The following LRP1B variants were observed in gnomAD, a reference collection of about 807,000 sequenced individuals.
LRP1B encodes low-density lipoprotein receptor-related protein 1B.
LRP1B carries 217 observed loss-of-function variants against 556.6 expected under a neutral mutation model. That is an observed-to-expected ratio of 0.39 (90% CI 0.35 to 0.44). The LOEUF (loss-of-function observed/expected upper bound fraction) is 0.44, where lower values mean the gene tolerates loss of function less well. Ranked by LOEUF, LRP1B falls within the 20% of genes least tolerant of loss-of-function variation. The probability of loss-of-function intolerance (pLI) is 1.00; values close to 1 mark genes in which losing one functional copy is unlikely to be tolerated. For missense variants in LRP1B, 5,053 were observed against 5,620.8 expected (o/e 0.90, Z 3.23); for synonymous variants, 2,047 against 1,865.8 (o/e 1.10, Z -2.50).
At chr2:142,084,188 G>A (rs535121785) in intron 1 of LRP1B, among the ~76,000 whole-genome samples, 5 of 151,996 alleles carry the variant, frequency 3.3e-5, no homozygotes, top group African/African-American at 7.2e-5. Flanking sequence ...CACCATGTTG[G>A]CCAGGCTGGT....
chr2:141,524,602 T>C (rs1684633879), intron 2 of LRP1B, among the ~76,000 whole-genome samples: 1 of 152,078 alleles, frequency 6.6e-6, no homozygotes, highest in Non-Finnish European at 1.5e-5. Flanking sequence ...TTAGTGTTGG[T>C]GTATTTTAAG....
At chr2:141,699,108 C>A (rs181124845) in intron 2 of LRP1B, among the ~76,000 whole-genome samples, 59 of 151,854 alleles carry the variant, frequency 3.9e-4, no homozygotes, top group African/African-American at 1.4e-3. Context: ...TGTAAATAGC[C>A]TAAATCCTAT....
intron 3 of LRP1B, among the ~76,000 whole-genome samples, chr2:141,475,625 G>T (rs1440688376): frequency 6.6e-6 from 1 of 152,026 alleles, no homozygotes; most frequent in South Asian, 2.1e-4. Context: ...CCCCTATCCT[G>T]TACCCATATA....
At chr2:141,025,746 T>C (rs1698200037) in intron 11 of LRP1B, among the ~76,000 whole-genome samples, 1 of 152,086 alleles carries the variant, frequency 6.6e-6, no homozygotes, top group Non-Finnish European at 1.5e-5. Flanking sequence ...TGTCTCTCTA[T>C]ATATACATTC....
intron 1 of LRP1B, among the ~76,000 whole-genome samples, chr2:141,817,555 G>A (rs1412116169): frequency 6.6e-6 from 1 of 151,908 alleles, no homozygotes; most frequent in Non-Finnish European, 1.5e-5. Flanking sequence ...ATATATATGA[G>A]CTGTCACAGA....
At chr2:140,888,200 A>G (rs917316379) in intron 23 of LRP1B, among the ~76,000 whole-genome samples, 1 of 152,050 alleles carries the variant, frequency 6.6e-6, no homozygotes, top group Admixed American at 6.6e-5. Context: ...GATCTGAAAA[A>G]TTTTCTATCT....
chr2:141,263,253 G>T (rs1324057838), intron 3 of LRP1B, among the ~76,000 whole-genome samples: 2 of 151,740 alleles, frequency 1.3e-5, no homozygotes, highest in Admixed American at 1.3e-4. Flanking sequence ...ACAGAACAAA[G>T]AAAACTAAAA....
chr2:141,097,900 G>T (rs1700361212), intron 7 of LRP1B, among the ~76,000 whole-genome samples: 1 of 152,158 alleles, frequency 6.6e-6, no homozygotes, highest in African/African-American at 2.4e-5. Flanking sequence ...CTAGAACTAT[G>T]TTTGTAAAAT....
intron 1 of LRP1B, among the ~76,000 whole-genome samples, chr2:142,117,076 G>A (rs1707298941): frequency 2.6e-5 from 4 of 151,880 alleles, no homozygotes; most frequent in Admixed American, 2.6e-4. Context: ...TTTCAACCAC[G>A]TGCTGTTACT....
At chr2:141,536,323 A>G (rs1685068408) in intron 2 of LRP1B, among the ~76,000 whole-genome samples, 1 of 152,076 alleles carries the variant, frequency 6.6e-6, no homozygotes, top group Non-Finnish European at 1.5e-5. Flanking sequence ...TTTTTCTGAA[A>G]TTAATTCAGT....
chr2:141,847,521 T>C (rs1175616249), intron 1 of LRP1B, among the ~76,000 whole-genome samples: 2 of 151,546 alleles, frequency 1.3e-5, no homozygotes, highest in African/African-American at 4.8e-5. Flanking sequence ...ATTGATTATT[T>C]TTTTCCTAAC....
At chr2:141,658,873 T>C (rs888052040) in intron 2 of LRP1B, among the ~76,000 whole-genome samples, 2 of 152,122 alleles carry the variant, frequency 1.3e-5, no homozygotes, top group Non-Finnish European at 2.9e-5. Context: ...AAGGCATCAC[T>C]ACATGGGTCC....
intron 32 of LRP1B, among the ~76,000 whole-genome samples, 151 bp downstream of exon 32, chr2:140,813,503 AAAG>A (rs1232634344): frequency 1.3e-5 from 2 of 152,202 alleles, no homozygotes; most frequent in Non-Finnish European, 2.9e-5. Context: ...CTAAAGAGGA[AAAG>A]AAGGAAGAGA....
chr2:141,723,012 G>A (rs1692892985), intron 2 of LRP1B, among the ~76,000 whole-genome samples: 1 of 152,036 alleles, frequency 6.6e-6, no homozygotes, highest in Admixed American at 6.6e-5. Context: ...TAATAAACAT[G>A]GTACATTTAT....
At chr2:141,480,325 G>T (rs2105089431) in intron 3 of LRP1B, 71 bp downstream of exon 3, 2 of 1,522,688 alleles carry the variant, frequency 1.3e-6, no homozygotes, top group Non-Finnish European at 1.8e-6. Context: ...GCAGGTTATA[G>T]GTTTTCTTTG....
intron 2 of LRP1B, among the ~76,000 whole-genome samples, chr2:141,537,899 T>C (rs1255931717): frequency 6.6e-6 from 1 of 152,144 alleles, no homozygotes; most frequent in Non-Finnish European, 1.5e-5. Flanking sequence ...ACAATCCTCT[T>C]GTGGAATTCC....
At chr2:142,082,076 C>A (rs1475826893) in intron 1 of LRP1B, among the ~76,000 whole-genome samples, 1 of 152,104 alleles carries the variant, frequency 6.6e-6, no homozygotes, top group Non-Finnish European at 1.5e-5. Flanking sequence ...TTTTTTTCCA[C>A]CACTTGAAAT....
chr2:141,050,218 G>A (rs1290150839), intron 10 of LRP1B, among the ~76,000 whole-genome samples: 1 of 151,094 alleles, frequency 6.6e-6, no homozygotes, highest in Non-Finnish European at 1.5e-5. Context: ...TAAAAAATAA[G>A]CAATTATTTA....
chr2:140,234,835 G>A lies in LRP1B; in HGVS notation c.13610C>T (p.Ala4537Val), dbSNP rs376526778. Residue 4537 changes from alanine to valine, a missense_variant, in exon 90 of 91, where the codon GCG becomes GTG. Ala to Val is a moderately conservative substitution (Grantham distance 64). Coordinates refer to ENST00000389484, the MANE Select transcript of LRP1B (RefSeq NM_018557.3). The part of the protein sequence containing the change: ...GPSAFKLPHT[A>V]PPIYLNSDLK... Reference sequence around the variant, plus strand: ...ATCAGAGTTTAGGTAGATGGGCGGCGCTGTGTGTGGAAGCTTGAAAGCACT... The same window carrying A: ...ATCAGAGTTTAGGTAGATGGGCGGCACTGTGTGTGGAAGCTTGAAAGCACT... 1.0e-5 allele frequency: 8 copies of A among 775,568 alleles called. No individual in the cohort carries two copies. Among genetic ancestry groups the A allele is most frequent in the African/African-American group, 5.1e-5 (3 of 58,630 alleles). 48.0% of individuals were successfully genotyped at this position (775,568 alleles called of 1,614,324 possible).
Sources: gnomAD v4.1 joint callset for allele counts (sites outside exome capture counted in the v4.1 genomes callset) on GRCh38, gnomAD v4.1.1 for gene constraint, MANE v1.5 for transcripts, NCBI Gene and HGNC (gene_info 2026-07-23, HGNC 2026-07-21) for gene names.